Variants in MEGF11 observed in about 807,000 individuals in gnomAD.
MEGF11 encodes the protein multiple EGF like domains 11, also known as multiple epidermal growth factor-like domains protein 11.
In MEGF11, 126 loss-of-function variants were observed where a neutral mutation model predicts 146.6. That is an observed-to-expected ratio of 0.86 (90% CI 0.74 to 1.00). The LOEUF (loss-of-function observed/expected upper bound fraction) is 1.00. Ranked by LOEUF, MEGF11 falls within the 50% of genes least tolerant of loss-of-function variation. The pLI is 0.00. For synonymous variants in MEGF11, 532 were observed against 583.4 expected, an observed-to-expected ratio of 0.91 and a Z score of 1.27; for missense variants, 1,509 against 1,521.2, an observed-to-expected ratio of 0.99 and a Z score of 0.13.
chr15:66,083,169 CAT>C (rs2140565101), intron 5 of MEGF11, among the ~76,000 whole-genome samples: 1 of 152,270 alleles, frequency 6.6e-6, no homozygotes, highest in Admixed American at 6.5e-5. Context: ...GACCTGTAGT[CAT>C]AGGTTTTGGG....
At chr15:66,172,800 C>T (rs2141120977) in intron 1 of MEGF11, among the ~76,000 whole-genome samples, 1 of 152,306 alleles carries the variant, frequency 6.6e-6, no homozygotes, top group Non-Finnish European at 1.5e-5. Flanking sequence ...CTCATTTTAC[C>T]AATGAGGAAA....
chr15:66,031,076 TG>T (rs1253793750), intron 5 of MEGF11, among the ~76,000 whole-genome samples: 1 of 152,148 alleles, frequency 6.6e-6, no homozygotes, highest in Admixed American at 6.5e-5. Context: ...CAGAGGGAAG[TG>T]GGGTTTCCTT....
At chr15:66,077,128 C>T (rs1483922646) in intron 5 of MEGF11, among the ~76,000 whole-genome samples, 2 of 152,226 alleles carry the variant, frequency 1.3e-5, no homozygotes, top group Non-Finnish European at 2.9e-5. Flanking sequence ...TGTGAGAACA[C>T]CATGCCACCT....
chr15:65,990,093 C>A (rs1214086148), intron 5 of MEGF11, among the ~76,000 whole-genome samples: 2 of 152,116 alleles, frequency 1.3e-5, no homozygotes, highest in Non-Finnish European at 2.9e-5. Flanking sequence ...CACCTGTAGT[C>A]CCAGCTACTT....
intron 5 of MEGF11, among the ~76,000 whole-genome samples, chr15:66,049,686 G>A (rs1397551380): frequency 6.6e-6 from 1 of 152,168 alleles, no homozygotes; most frequent in Non-Finnish European, 1.5e-5. Flanking sequence ...TGCATCTGTT[G>A]TTGCATCCTT....
At chr15:65,996,030 C>A (rs118028145) in intron 5 of MEGF11, among the ~76,000 whole-genome samples, 1 of 152,168 alleles carries the variant, frequency 6.6e-6, no homozygotes, top group East Asian at 1.9e-4. Context: ...CCTGGGGAAG[C>A]CTCCACCCTC....
intron 1 of MEGF11, among the ~76,000 whole-genome samples, chr15:66,191,195 AC>A (rs1251061777): frequency 1.3e-5 from 2 of 152,140 alleles, no homozygotes; most frequent in Non-Finnish European, 2.9e-5. Flanking sequence ...CAAAAATCCT[AC>A]TTTGCTATCC....
Position 66,083,115 on chromosome 15 carries a change from G to T in MEGF11, c.394+11287C>A, listed in dbSNP as rs938468861. ...ATGTACTTTCCAAATCAGGCAGTTGGTTGGGTTGACATCCCTGGAAATCCC... is the reference window on the plus strand; with the variant it reads ...ATGTACTTTCCAAATCAGGCAGTTGTTTGGGTTGACATCCCTGGAAATCCC... On this transcript the variant is annotated intron_variant, in intron 5 of 25. Coordinates refer to ENST00000395614, the MANE Select transcript of MEGF11 (RefSeq NM_001385028.1). 3.9e-5 allele frequency among the ~76,000 whole-genome samples: 6 copies of T among 152,280 alleles called. No homozygotes were observed. In the East Asian group the frequency reaches 1.2e-3, roughly 29 times the overall value.
chr15:66,046,877 T>C (rs1228071969), intron 5 of MEGF11, among the ~76,000 whole-genome samples: 1 of 152,084 alleles, frequency 6.6e-6, no homozygotes, highest in African/African-American at 2.4e-5. Flanking sequence ...CCAGTTCCCC[T>C]CCTCACTCCA....
chr15:66,064,676 C>T (rs1200213461), intron 5 of MEGF11, among the ~76,000 whole-genome samples: 1 of 140,612 alleles, frequency 7.1e-6, no homozygotes, highest in African/African-American at 2.5e-5. Context: ...TACCACCATC[C>T]CGGCTAATTT....
chr15:65,940,555 C>T (rs1252341685), intron 10 of MEGF11, among the ~76,000 whole-genome samples: 3 of 152,256 alleles, frequency 2.0e-5, no homozygotes, highest in Non-Finnish European at 4.4e-5. Flanking sequence ...GCAGAGCAAA[C>T]CTCGCTGGAC....
intron 1 of MEGF11, among the ~76,000 whole-genome samples, chr15:66,245,354 A>C (rs910584568): frequency 6.6e-6 from 1 of 152,122 alleles, no homozygotes; most frequent in Admixed American, 6.5e-5. Flanking sequence ...TAGGCCAGGC[A>C]CAGTGGCGCA....
intron 4 of MEGF11, among the ~76,000 whole-genome samples, chr15:66,115,065 G>A (rs977544050): frequency 5.3e-5 from 8 of 152,214 alleles, no homozygotes; most frequent in East Asian, 1.9e-4. Context: ...TTTCACGCCC[G>A]GGCCTGCTCC....
intron 1 of MEGF11, among the ~76,000 whole-genome samples, chr15:66,240,326 CTGCT>C (rs1237648739): frequency 2.0e-5 from 3 of 152,360 alleles, no homozygotes; most frequent in Middle Eastern, 3.4e-3. Flanking sequence ...AAGGGTGCTC[CTGCT>C]TCCCCAGCTG....
intron 5 of MEGF11, among the ~76,000 whole-genome samples, chr15:66,054,267 C>G (rs917187017): frequency 6.6e-6 from 1 of 152,182 alleles, no homozygotes; most frequent in Non-Finnish European, 1.5e-5. Flanking sequence ...TCTAGCCAAC[C>G]ATGTGAAACA....
chr15:65,924,624 C>CTTT (rs573572484), intron 13 of MEGF11, among the ~76,000 whole-genome samples: 2,377 of 111,534 alleles, frequency 0.021, 44 homozygotes, highest in Non-Finnish European at 0.033. Flanking sequence ...TGCCATAAGG[C>CTTT]TTTTTTTTTT....
At chr15:65,926,826 G>A (rs2079387978) in intron 13 of MEGF11, among the ~76,000 whole-genome samples, 1 of 152,202 alleles carries the variant, frequency 6.6e-6, no homozygotes, top group Admixed American at 6.5e-5. Context: ...TTAAGGCAAT[G>A]AAAAATTAAA....
At chr15:65,929,087 G>A (rs891038330) in intron 12 of MEGF11, among the ~76,000 whole-genome samples, 3 of 152,128 alleles carry the variant, frequency 2.0e-5, no homozygotes, top group Non-Finnish European at 4.4e-5. Flanking sequence ...AGGTTAGAGA[G>A]GTGAAGTAAC....
At chr15:66,215,569 T>A (rs1287982796) in intron 1 of MEGF11, among the ~76,000 whole-genome samples, 1 of 152,176 alleles carries the variant, frequency 6.6e-6, no homozygotes, top group Non-Finnish European at 1.5e-5. Context: ...ACACTCAGGA[T>A]CAAGGTTTTA....
Sources: allele counts gnomAD v4.1 joint callset (sites outside exome capture counted in the v4.1 genomes callset), GRCh38; gene constraint gnomAD v4.1.1; transcripts MANE v1.5; gene names NCBI Gene and HGNC (gene_info 2026-07-23, HGNC 2026-07-21).